PTPRQ: variants seen among roughly 807,000 people sequenced by gnomAD.
PTPRQ encodes the protein protein tyrosine phosphatase receptor type Q.
PTPRQ carries 199 observed loss-of-function variants against 246.0 expected under a neutral mutation model. The ratio of observed to expected loss-of-function variants is 0.81; its 90% CI spans 0.72 to 0.91. The LOEUF is 0.91. PTPRQ is among the 40% of genes least tolerant of loss of function. The pLI is 0.00. For synonymous variants in PTPRQ, 869 were observed against 853.2 expected, an observed-to-expected ratio of 1.02 and a Z score of -0.32; for missense variants, 2,624 against 2,528.4, an observed-to-expected ratio of 1.04 and a Z score of -0.81.
chr12:80,663,651 A>T (rs145004929), intron 39 of PTPRQ, among the ~76,000 whole-genome samples: 2 of 151,994 alleles, frequency 1.3e-5, no homozygotes, highest in Non-Finnish European at 2.9e-5. Flanking sequence ...ATTATTGATG[A>T]TGTCAAAATT....
In PTPRQ at chr12:80,524,078, A is replaced by T. The variant is rs572344494; in HGVS notation, c.2679-9937A>T. Among the ~76,000 whole-genome samples the T allele has an allele frequency of 2.9e-4, 44 of 152,202 alleles. No individual in the cohort carries two copies. In the South Asian group the frequency reaches 8.7e-3, roughly 30 times the overall value. ...TTGAGTGCGTATATATTTAGGATCG[A>T]TAGCTCTTCTTGTTGAATTGATTCC... On this transcript the variant is annotated intron_variant, in intron 17 of 44. Coordinates refer to ENST00000644991, the MANE Select transcript of PTPRQ (RefSeq NM_001145026.2).
rs11114515 is a variant in PTPRQ at position 80,581,457 on chromosome 12, G to A, written c.4286-6672G>A. On this transcript the variant is annotated intron_variant, in intron 25 of 44. Transcript: ENST00000644991. ...TCAAGACCAGCCTGGGTAACATGGCGCAACTCCATCTCTACAAAAAGTACG... is the reference window on the plus strand; with the variant it reads ...TCAAGACCAGCCTGGGTAACATGGCACAACTCCATCTCTACAAAAAGTACG... Among the ~76,000 whole-genome samples the A allele has an allele frequency of 2.4e-3, 362 of 152,110 alleles. 2 individuals are homozygous for A. The highest frequency in any genetic ancestry group is 8.2e-3 in the African/African-American group (342 of 41,492).
chr12:80,626,799 C>T (rs769630138), intron 33 of PTPRQ, among the ~76,000 whole-genome samples: 2 of 152,150 alleles, frequency 1.3e-5, no homozygotes, highest in Non-Finnish European at 2.9e-5. Context: ...ACCATTTTCT[C>T]TTCTTGATAG....
rs371937395 is a variant in PTPRQ, at chr12:80,610,528, G to A, written c.4821G>A (p.Arg1607=). 1.2e-5 allele frequency: 19 copies of A among 1,535,218 alleles called. No homozygotes were observed. In the East Asian group the frequency reaches 2.0e-4, roughly 16 times the overall value. Reference sequence around the variant, plus strand: ...TTAAAGATTTAGAAATATTCACAAGGTATTCTGTAGTGATCACTGCATTTA... The same window carrying A: ...TTAAAGATTTAGAAATATTCACAAGATATTCTGTAGTGATCACTGCATTTA... ...IEIKDLEIFT[R]YSVVITAFTG... Residue 1607 remains arginine (R), a synonymous_variant, in exon 28 of 45, where the codon AGG becomes AGA. Coordinates refer to ENST00000644991, the MANE Select transcript of PTPRQ (RefSeq NM_001145026.2).
Position 80,472,183 on chromosome 12 carries a change from A to G in PTPRQ, c.1118A>G (p.Tyr373Cys). ...NLTPFTMYDV[Y>C]IAAETSAGTG... ...ACACCATTTACAATGTATGATGTCT[A>G]TATTGCGGCTGAAACCAGTGCAGGG... Residue 373 changes from tyrosine to cysteine, a missense_variant, in exon 8 of 45, where the codon TAT becomes TGT. Coordinates refer to ENST00000644991, the MANE Select transcript of PTPRQ (RefSeq NM_001145026.2). 5.8e-6 allele frequency: 9 copies of G among 1,551,636 alleles called. No homozygotes were observed. The highest frequency in any genetic ancestry group is 7.8e-6 in the Non-Finnish European group (9 of 1,146,960).
chr12:80,471,972 T>C, intron 7 of PTPRQ, 133 bp from the exon 8 acceptor site: 1 of 1,075,062 alleles, frequency 9.3e-7, no homozygotes. Context: ...ATATATGCAG[T>C]TTTGATATTA....
intron 26 of PTPRQ, among the ~76,000 whole-genome samples, chr12:80,597,577 T>C (rs1898010286): frequency 6.6e-6 from 1 of 152,172 alleles, no homozygotes. Context: ...TCCCTAGTCT[T>C]CACAGAAGGA....
chr12:80,565,445 G>T (rs1396976137), intron 25 of PTPRQ, among the ~76,000 whole-genome samples: 1 of 152,130 alleles, frequency 6.6e-6, no homozygotes, highest in Non-Finnish European at 1.5e-5. Context: ...CTATGCAGCT[G>T]TAGTTGATAC....
At chr12:80,536,360 A>G (rs1010114736) in intron 19 of PTPRQ, among the ~76,000 whole-genome samples, 7 of 152,228 alleles carry the variant, frequency 4.6e-5, no homozygotes, top group African/African-American at 1.7e-4. Flanking sequence ...ACTTTAGTGC[A>G]GCTATAGTGC....
At chr12:80,470,396 T>A (rs1438567782) in intron 7 of PTPRQ, among the ~76,000 whole-genome samples, 1 of 152,084 alleles carries the variant, frequency 6.6e-6, no homozygotes, top group Non-Finnish European at 1.5e-5. Flanking sequence ...CCTTTTTCAG[T>A]GTAGTGGGAA....
intron 33 of PTPRQ, among the ~76,000 whole-genome samples, chr12:80,625,109 A>C (rs950519765): frequency 6.6e-6 from 1 of 152,154 alleles, no homozygotes; most frequent in Admixed American, 6.5e-5. Flanking sequence ...CAATTCTCCA[A>C]TGGTTAGTGG....
intron 35 of PTPRQ, among the ~76,000 whole-genome samples, chr12:80,642,918 T>TCA (rs1400331385): frequency 0.042 from 2,932 of 69,304 alleles, 228 homozygotes; most frequent in South Asian, 0.1. Flanking sequence ...AGACTCCGTC[T>TCA]TAAAAAAAAA....
intron 33 of PTPRQ, among the ~76,000 whole-genome samples, chr12:80,627,815 G>A (rs1174630526): frequency 6.6e-6 from 1 of 152,064 alleles, no homozygotes; most frequent in Non-Finnish European, 1.5e-5. Flanking sequence ...AGGATTTGGA[G>A]AAGTGACATC....
rs1401437582 is a variant in PTPRQ at position 80,495,016 on chromosome 12, C to A, written c.1624C>A (p.His542Asn). The change falls in exon 11 of 45, where the codon CAC becomes AAC. Residue 542 changes from histidine to asparagine, a missense_variant. Physicochemically the swap from His to Asn is moderately conservative, Grantham distance 68. Transcript: ENST00000644991. ...VIRRLVPFTE[H>N]MISVSAFTIM... is the part of the protein sequence containing the mutation. ...CAGGAGACTTGTACCTTTCACTGAG[C>A]ACATGATTAGTGTATCTGCTTTCAC... is the stretch of plus-strand genomic sequence containing the variant. The A allele has an allele frequency of 6.4e-7, 1 of 1,550,492 alleles. No individual in the cohort carries two copies. The highest frequency in any genetic ancestry group is 2.4e-5 in the East Asian group (1 of 40,838).
At chr12:80,644,678 T>G (rs1239965683) in intron 35 of PTPRQ, among the ~76,000 whole-genome samples, 1 of 152,118 alleles carries the variant, frequency 6.6e-6, no homozygotes, top group Admixed American at 6.5e-5. Flanking sequence ...GATAAGTTAG[T>G]GCATTTTCCT....
chr12:80,586,374 A>G (rs113260850), intron 25 of PTPRQ, among the ~76,000 whole-genome samples: 3,395 of 151,286 alleles, frequency 0.022, 64 homozygotes, highest in Non-Finnish European at 0.031. Flanking sequence ...TAGAATGGCA[A>G]TCATTAAAAA....
intron 17 of PTPRQ, among the ~76,000 whole-genome samples, chr12:80,523,475 C>CT (rs1285774109): frequency 6.6e-6 from 1 of 152,142 alleles, no homozygotes; most frequent in East Asian, 1.9e-4. Context: ...AATTTTAGAT[C>CT]TTTCCTGCTT....
At position 80,471,474 on chromosome 12, in the gene PTPRQ, A is replaced by ATTTTTTTTTTTTTTTTT. The variant is rs1176393485; in HGVS notation, c.1040-630_1040-614dup. Among the ~76,000 whole-genome samples, 4 of 73,198 alleles carry ATTTTTTTTTTTTTTTTT rather than the reference A, an allele frequency of 5.5e-5. 2 individuals carry two copies. The highest frequency in any genetic ancestry group is 1.2e-4 in the African/African-American group (2 of 16,858). The allele number at this position is 73,198 out of a possible 152,430, so 48.0% of individuals were successfully genotyped here. A position where few individuals can be genotyped will look rare whatever the true frequency, so the allele number is the denominator to read the frequency against. On this transcript the variant is annotated intron_variant, in intron 7 of 44. Coordinates refer to ENST00000644991, the MANE Select transcript of PTPRQ (RefSeq NM_001145026.2). ...ATAGAAGATAATGAAATTATTTAGC[A>ATTTTTTTTTTTTTTTTT]TTTTTTTTTTTTTTTTTATTTGAGA...
chr12:80,620,822 GC>G (rs1488095350), intron 32 of PTPRQ, among the ~76,000 whole-genome samples: 1 of 151,628 alleles, frequency 6.6e-6, no homozygotes, highest in Non-Finnish European at 1.5e-5. Context: ...ATAACTCTCT[GC>G]TTTTTATCTC....
Sources: gnomAD v4.1 joint callset for allele counts (sites outside exome capture counted in the v4.1 genomes callset) on GRCh38, gnomAD v4.1.1 for gene constraint, MANE v1.5 for transcripts, NCBI Gene and HGNC (gene_info 2026-07-23, HGNC 2026-07-21) for gene names.